Variants in EVI5 observed in about 807,000 individuals in gnomAD.
EVI5 encodes ecotropic viral integration site 5.
Under a neutral mutation model 112.0 loss-of-function variants are expected in EVI5, and 73 were observed. The observed-to-expected ratio is 0.65, with a 90% CI of 0.54 to 0.79. The LOEUF (loss-of-function observed/expected upper bound fraction) is 0.79, where lower values mean the gene tolerates loss of function less well. Ranked by LOEUF, EVI5 falls within the 30% of genes least tolerant of loss-of-function variation. The probability of loss-of-function intolerance (pLI) is 0.00; values close to 1 mark genes in which losing one functional copy is unlikely to be tolerated. For synonymous variants in EVI5, 305 were observed against 319.9 expected, an observed-to-expected ratio of 0.95 and a Z score of 0.50; for missense variants, 900 against 968.8, an observed-to-expected ratio of 0.93 and a Z score of 0.94.
At chr1:92,738,143 C>T (rs377638946) in intron 1 of EVI5, among the ~76,000 whole-genome samples, 1 of 152,044 alleles carries the variant, frequency 6.6e-6, no homozygotes, top group Non-Finnish European at 1.5e-5. Context: ...GGCAAAAGGC[C>T]GTATAGGAAC....
intron 19 of EVI5, among the ~76,000 whole-genome samples, chr1:92,543,072 G>A (rs1019274255): frequency 6.6e-6 from 1 of 152,132 alleles, no homozygotes; most frequent in African/African-American, 2.4e-5. Context: ...AGGCCCTAAC[G>A]AGAGAGCCAT....
At chr1:92,785,809 G>A (rs937494393), upstream of EVI5, among the ~76,000 whole-genome samples, 3 of 152,172 alleles carry the variant, frequency 2.0e-5, no homozygotes, top group Non-Finnish European at 4.4e-5. Context: ...GCCGGGCGCG[G>A]TGGCTCACAC....
At chr1:92,591,072 T>C (rs1673779779) in intron 18 of EVI5, among the ~76,000 whole-genome samples, 1 of 152,190 alleles carries the variant, frequency 6.6e-6, no homozygotes, top group East Asian at 1.9e-4. Flanking sequence ...CTGAGAGACT[T>C]TGTCACCACC....
At chr1:92,522,056 T>A (rs1277653034) in intron 19 of EVI5, among the ~76,000 whole-genome samples, 2 of 152,218 alleles carry the variant, frequency 1.3e-5, no homozygotes, top group Non-Finnish European at 2.9e-5. Context: ...CTTAATAACA[T>A]ATCAAACATT....
Position 92,508,929 on chromosome 1 carries a change from T to G in EVI5, c.*4727A>C, listed in dbSNP as rs1213683914. The G allele has an allele frequency of 6.6e-6, 1 of 152,222 alleles. No homozygotes were observed. The highest frequency in any genetic ancestry group is 1.5e-5 in the Non-Finnish European group (1 of 68,030). 9.4% of individuals were successfully genotyped at this position (152,222 alleles called of 1,614,324 possible). A position where few individuals can be genotyped will look rare whatever the true frequency, so the allele number is the denominator to read the frequency against. On this transcript the variant is annotated 3_prime_UTR_variant, in exon 20 of 20. Coordinates refer to ENST00000684568, the MANE Select transcript of EVI5 (RefSeq NM_001350197.2). Reference sequence around the variant, plus strand: ...AACTTGGATCATAAATAGCATCCACTATACCTTTAACCAGAAATTAAACTT... The same window carrying G: ...AACTTGGATCATAAATAGCATCCACGATACCTTTAACCAGAAATTAAACTT...
chr1:92,581,693 T>TAA (rs1553190265), intron 18 of EVI5, among the ~76,000 whole-genome samples: 41,018 of 148,514 alleles, frequency 0.28, 6,181 homozygotes, highest in African/African-American at 0.39. Flanking sequence ...AGTTTTTGCT[T>TAA]AAAAAAAAAA....
chr1:92,618,156 T>A (rs200123375), intron 16 of EVI5, among the ~76,000 whole-genome samples: 2 of 152,174 alleles, frequency 1.3e-5, no homozygotes, highest in East Asian at 3.9e-4. Flanking sequence ...CAACATATGG[T>A]ACTGTTTCTC....
At chr1:92,601,503 T>A (rs1158652041) in intron 18 of EVI5, among the ~76,000 whole-genome samples, 1 of 152,208 alleles carries the variant, frequency 6.6e-6, no homozygotes, top group East Asian at 1.9e-4. Context: ...GGTTTACATA[T>A]ACACAATGGA....
chr1:92,734,710 A>G (rs1677055417), intron 2 of EVI5, among the ~76,000 whole-genome samples: 1 of 152,184 alleles, frequency 6.6e-6, no homozygotes, highest in Admixed American at 6.5e-5. Context: ...TTTGAAAGAC[A>G]CTTTTAAGAG....
chr1:92,577,406 G>T, intron 18 of EVI5, among the ~76,000 whole-genome samples: 1 of 152,216 alleles, frequency 6.6e-6, no homozygotes, highest in East Asian at 1.9e-4. Flanking sequence ...CGGCTTGCCG[G>T]CAGGGCAGAA....
In EVI5 at chr1:92,636,213, C is replaced by G; in HGVS notation, c.1516G>C (p.Asp506His). Residue 506 changes from aspartate to histidine, a missense_variant, in exon 14 of 20, where the codon GAT becomes CAT. Asp to His is a moderately conservative substitution (Grantham distance 81). Coordinates refer to ENST00000684568, the MANE Select transcript of EVI5 (RefSeq NM_001350197.2). ...TGTAGGTTTCTTACCTTCTCTATATCCAAGACTTTATCCTGCATCTCTTTT... is the reference window on the plus strand; with the variant it reads ...TGTAGGTTTCTTACCTTCTCTATATGCAAGACTTTATCCTGCATCTCTTTT... The part of the protein sequence containing the change: ...ALKEMQDKVL[D>H]IEKRNNSLPD... 3.1e-6 allele frequency: 5 copies of G among 1,612,942 alleles called. No individual in the cohort carries two copies. Among genetic ancestry groups the G allele is most frequent in the Non-Finnish European group, 4.2e-6 (5 of 1,179,444 alleles).
intron 16 of EVI5, among the ~76,000 whole-genome samples, chr1:92,611,400 T>G (rs1360035488): frequency 1.3e-5 from 2 of 151,940 alleles, no homozygotes; most frequent in African/African-American, 4.8e-5. Context: ...GAAAAGTAAA[T>G]TTATTTTAAG....
intron 4 of EVI5, 103 bp downstream of exon 4, chr1:92,703,292 A>G (rs1178895295): frequency 1.4e-6 from 1 of 693,292 alleles, no homozygotes; most frequent in Non-Finnish European, 2.4e-6. Context: ...CTGCCAAAGC[A>G]ACTGATTATT....
At chr1:92,656,675 TAAC>T (rs1188272079) in intron 13 of EVI5, among the ~76,000 whole-genome samples, 1 of 151,390 alleles carries the variant, frequency 6.6e-6, no homozygotes, top group African/African-American at 2.4e-5. Flanking sequence ...AGACCCAAAT[TAAC>T]AAGTGATCAG....
intron 16 of EVI5, among the ~76,000 whole-genome samples, chr1:92,618,940 T>C (rs900930166): frequency 6.6e-6 from 1 of 152,242 alleles, no homozygotes; most frequent in African/African-American, 2.4e-5. Flanking sequence ...GAGTCAGGGA[T>C]TGGTGTGTTT....
chr1:92,662,957 T>TAAAAAAAAA (rs11411366), intron 12 of EVI5, 92 bp from the exon 13 acceptor site: 1 of 301,052 alleles, frequency 3.3e-6, no homozygotes. Flanking sequence ...TTTGACATGT[T>TAAAAAAAAA]AAAAAAAAAA....
At chr1:92,535,750 G>C (rs1308110059) in intron 19 of EVI5, among the ~76,000 whole-genome samples, 1 of 152,006 alleles carries the variant, frequency 6.6e-6, no homozygotes, top group Admixed American at 6.6e-5. Context: ...CACACACCGG[G>C]GCCTGTCGTG....
At chr1:92,648,533 C>T (rs1219716202) in intron 13 of EVI5, among the ~76,000 whole-genome samples, 1 of 152,088 alleles carries the variant, frequency 6.6e-6, no homozygotes, top group Non-Finnish European at 1.5e-5. Flanking sequence ...AGTTTCTTAT[C>T]TTTCCCCCAT....
intron 19 of EVI5, among the ~76,000 whole-genome samples, chr1:92,518,283 A>C (rs1254401063): frequency 6.6e-6 from 1 of 152,146 alleles, no homozygotes; most frequent in Non-Finnish European, 1.5e-5. Flanking sequence ...CAACAACAAA[A>C]ATTTTTTGTG....
Sources: gnomAD v4.1 joint callset for allele counts (sites outside exome capture counted in the v4.1 genomes callset) on GRCh38, gnomAD v4.1.1 for gene constraint, MANE v1.5 for transcripts, NCBI Gene and HGNC (gene_info 2026-07-23, HGNC 2026-07-21) for gene names.